Variants in PRKAG1 observed in about 807,000 individuals in gnomAD.
PRKAG1 encodes protein kinase AMP-activated non-catalytic subunit gamma 1, also known as 5'-AMP-activated protein kinase subunit gamma-1.
Under a neutral mutation model 48.2 loss-of-function variants are expected in PRKAG1, and 27 were observed. The ratio of observed to expected loss-of-function variants is 0.56; its 90% CI spans 0.41 to 0.77. PRKAG1 has a LOEUF of 0.77. Ranked by LOEUF, PRKAG1 falls within the 30% of genes least tolerant of loss-of-function variation. The pLI is 0.00. For synonymous variants in PRKAG1, 130 were observed against 147.7 expected (o/e 0.88, Z 0.87); for missense variants, 287 against 398.3 (o/e 0.72, Z 2.38).
chr12:49,002,894 C>T lies in PRKAG1; in HGVS notation c.*5G>A. On this transcript the variant is annotated 3_prime_UTR_variant, in exon 12 of 12. Transcript: ENST00000548065. Reference sequence around the variant, plus strand: ...CCCTGGTGCTGCATGACCCCTTCCCCCAGCTCAGGGCTTCTTCTCTCCACC... The same window carrying T: ...CCCTGGTGCTGCATGACCCCTTCCCTCAGCTCAGGGCTTCTTCTCTCCACC... 5 of 1,612,956 alleles carry T rather than the reference C, an allele frequency of 3.1e-6. No individual in the cohort carries two copies. The highest frequency in any genetic ancestry group is 4.2e-6 in the Non-Finnish European group (5 of 1,178,954).
chr12:49,018,363 G>A (rs1942088184), intron 1 of PRKAG1: 9 of 924,058 alleles, frequency 9.7e-6, no homozygotes, highest in Non-Finnish European at 1.2e-5. Context: ...TGGACGCCCC[G>A]TGCCTCACCC....
intron 8 of PRKAG1, 184 bp downstream of exon 8, chr12:49,004,323 G>T: frequency 2.9e-6 from 2 of 685,368 alleles, no homozygotes; most frequent in Non-Finnish European, 4.9e-6. Context: ...AAGAAGTGGG[G>T]CTGGATGCAG....
intron 1 of PRKAG1, among the ~76,000 whole-genome samples, chr12:49,015,363 GA>G: frequency 6.6e-6 from 1 of 152,282 alleles, no homozygotes; most frequent in Non-Finnish European, 1.5e-5. Flanking sequence ...TGGAAACCTA[GA>G]ACTATCTTAT....
chr12:49,014,099 G>C (rs1941871816), intron 1 of PRKAG1, among the ~76,000 whole-genome samples: 1 of 152,114 alleles, frequency 6.6e-6, no homozygotes, highest in African/African-American at 2.4e-5. Flanking sequence ...GGCCAGGCTG[G>C]TCTCAAACTC....
chr12:49,013,012 G>T (rs201925139), intron 2 of PRKAG1, 50 bp downstream of exon 2: 1 of 1,516,178 alleles, frequency 6.6e-7, no homozygotes, highest in South Asian at 1.1e-5. Flanking sequence ...GACATTGTTA[G>T]GGTCAGGCTA....
In PRKAG1 at chr12:49,003,657, G is replaced by C. The variant is rs1321056047; in HGVS notation, c.704-62C>G. The C allele has an allele frequency of 5.6e-6, 9 of 1,611,052 alleles. No homozygotes were observed. The East Asian group carries it at 1.3e-4, about 24-fold the overall frequency. On this transcript the variant is annotated intron_variant, in intron 9 of 11. Coordinates refer to ENST00000548065, the MANE Select transcript of PRKAG1 (RefSeq NM_002733.5). ...GGATCTAAAGCTCCCCCTACTCATA[G>C]AATCACCCTCCTGGCTAAGCTGAGG...
chr12:49,013,114 G>C lies in PRKAG1; in HGVS notation c.10-4C>G, dbSNP rs1565739638. ...GGGAGCTATCTGAAGAAATGACCTG[G>C]AGAGATAAGAAAACAGATTCAGCTT... On this transcript the variant is annotated splice_region_variant and splice_polypyrimidine_tract_variant and intron_variant, in intron 1 of 11. Transcript: ENST00000548065. 1.2e-6 allele frequency: 2 copies of C among 1,612,846 alleles called. No homozygotes were observed. The highest frequency in any genetic ancestry group is 1.7e-6 in the Non-Finnish European group (2 of 1,179,042).
intron 2 of PRKAG1, among the ~76,000 whole-genome samples, chr12:49,009,649 G>C (rs1469426192): frequency 1.3e-5 from 2 of 152,078 alleles, no homozygotes; most frequent in Non-Finnish European, 2.9e-5. Flanking sequence ...TTTCACTCTT[G>C]TTGCCCAGGC....
rs188967600 is a variant in PRKAG1 at position 49,003,995 on chromosome 12, T to C, written c.538-73A>G. ...CTTGGATACCCCCTCCAACCCAGTA[T>C]ATTAGAAATAAGGGCTGGGTGCGCC... On this transcript the variant is annotated intron_variant, in intron 8 of 11. Transcript: ENST00000548065. The C allele has an allele frequency of 4.1e-5, 62 of 1,513,416 alleles. No homozygotes were observed. In the African/African-American group the frequency reaches 8.1e-4, roughly 20 times the overall value. The allele number at this position is 1,513,416 out of a possible 1,614,324, so 93.7% of individuals were successfully genotyped here. A position where few individuals can be genotyped will look rare whatever the true frequency, so the allele number is the denominator to read the frequency against.
chr12:49,018,716 C>A lies in PRKAG1; in HGVS notation c.9+16G>T. The A allele has an allele frequency of 6.2e-7, 1 of 1,613,448 alleles. No homozygotes were observed. The highest frequency in any genetic ancestry group is 1.1e-5 in the South Asian group (1 of 90,988). ...AGGCTCCACAGCGCCCCCGACCGCCCTCCTGCACTCCTCACCGTCTCCATT... is the reference window on the plus strand; with the variant it reads ...AGGCTCCACAGCGCCCCCGACCGCCATCCTGCACTCCTCACCGTCTCCATT... On this transcript the variant is annotated intron_variant, in intron 1 of 11. Transcript: ENST00000548065.
Position 49,003,308 on chromosome 12 carries a change from G to A in PRKAG1, c.742-18C>T. On this transcript the variant is annotated intron_variant, in intron 10 of 11. Coordinates refer to ENST00000548065, the MANE Select transcript of PRKAG1 (RefSeq NM_002733.5). Reference sequence around the variant, plus strand: ...GCCAGATTCTGGGGAGACAGAGGAAGGAGCTTGCAGGGAAGCAAGAGAGCC... The same window carrying A: ...GCCAGATTCTGGGGAGACAGAGGAAAGAGCTTGCAGGGAAGCAAGAGAGCC... The A allele has an allele frequency of 1.2e-6, 2 of 1,613,826 alleles. No individual in the cohort carries two copies. The highest frequency in any genetic ancestry group is 1.7e-6 in the Non-Finnish European group (2 of 1,179,998).
At position 49,002,643 on chromosome 12, in the gene PRKAG1, G is replaced by C; in HGVS notation, c.*256C>G. The C allele has an allele frequency of 1.8e-6, 1 of 553,470 alleles. No individual in the cohort carries two copies. The allele number at this position is 553,470 out of a possible 1,614,324, so 34.3% of individuals were successfully genotyped here. On this transcript the variant is annotated 3_prime_UTR_variant, in exon 12 of 12. Coordinates refer to ENST00000548065, the MANE Select transcript of PRKAG1 (RefSeq NM_002733.5). The stretch of plus-strand genomic sequence containing the variant: ...GAGCCTATAGTTCACCCAGAAAGGG[G>C]GATATATCTAAGAGGACAGGGGCTA...
intron 2 of PRKAG1, among the ~76,000 whole-genome samples, chr12:49,007,300 A>AT (rs1941582119): frequency 6.6e-6 from 1 of 152,086 alleles, no homozygotes; most frequent in African/African-American, 2.4e-5. Context: ...AAAAAAAAAA[A>AT]AAAATTACAT....
Position 49,005,454 on chromosome 12 carries a change from T to C in PRKAG1, c.250+8A>G, listed in dbSNP as rs1259780812. ...CAATAATATTGTGTTCCAGAAACTT[T>C]TGCTTACCCACAAAACTTTGCTTCT... On this transcript the variant is annotated splice_region_variant and intron_variant, in intron 4 of 11. Coordinates refer to ENST00000548065, the MANE Select transcript of PRKAG1 (RefSeq NM_002733.5). The surrounding 1 kb of genome is among the most constrained non-coding windows in gnomAD (Gnocchi z 4.1). 1.2e-6 allele frequency: 2 copies of C among 1,614,032 alleles called. No individual in the cohort carries two copies. Among genetic ancestry groups the C allele is most frequent in the East Asian group, 2.2e-5 (1 of 44,880 alleles).
rs932443747 is a variant in PRKAG1, at chr12:49,002,354, A to G, written c.*545T>C. On this transcript the variant is annotated 3_prime_UTR_variant, in exon 12 of 12. Coordinates refer to ENST00000548065, the MANE Select transcript of PRKAG1 (RefSeq NM_002733.5). ...GCTAACCACGCTGCTCTCCTCCTCC[A>G]CCTAACCCCCATCTCCCTTCATATG... 3 of 194,534 alleles carry G rather than the reference A, an allele frequency of 1.5e-5. No individual in the cohort carries two copies. Among genetic ancestry groups the G allele is most frequent in the Non-Finnish European group, 3.2e-5 (3 of 93,226 alleles). 12.1% of individuals were successfully genotyped at this position (194,534 alleles called of 1,614,324 possible). A position where few individuals can be genotyped will look rare whatever the true frequency, so the allele number is the denominator to read the frequency against.
intron 2 of PRKAG1, among the ~76,000 whole-genome samples, chr12:49,007,858 TC>T (rs1416586515): frequency 6.7e-6 from 1 of 149,540 alleles, no homozygotes; most frequent in Non-Finnish European, 1.5e-5. Flanking sequence ...CGTATTTCAA[TC>T]TTTTTTTTTT....
chr12:49,008,619 AG>A (rs1229515870), intron 2 of PRKAG1: 2 of 152,012 alleles, frequency 1.3e-5, no homozygotes, highest in African/African-American at 4.8e-5. Flanking sequence ...GGTGCATGGG[AG>A]GTATGTGTTT....
At chr12:49,007,162 C>G (rs995904424) in intron 2 of PRKAG1, among the ~76,000 whole-genome samples, 3 of 151,654 alleles carry the variant, frequency 2.0e-5, no homozygotes, top group Non-Finnish European at 4.4e-5. Flanking sequence ...TGGCACGTGC[C>G]TGTAGTCCCA....
chr12:49,012,400 G>A (rs561645629), intron 2 of PRKAG1, among the ~76,000 whole-genome samples: 22 of 145,966 alleles, frequency 1.5e-4, no homozygotes, highest in African/African-American at 3.6e-4. Context: ...TTTCTGAGAC[G>A]AAGTTTCACT....
Sources: gnomAD v4.1 joint callset for allele counts (sites outside exome capture counted in the v4.1 genomes callset) on GRCh38, gnomAD v4.1.1 for gene constraint, Gnocchi (gnomAD v3.1) non-coding constraint, MANE v1.5 for transcripts, NCBI Gene and HGNC (gene_info 2026-07-23, HGNC 2026-07-21) for gene names.